CHD1L: variants seen among roughly 807,000 people sequenced by gnomAD.
The protein encoded by CHD1L is chromodomain helicase DNA binding protein 1 like, also known as ATP-dependent chromatin remodeler CHD1L.
In CHD1L, 118 loss-of-function variants were observed where a neutral mutation model predicts 115.9. That is an observed-to-expected ratio of 1.02 (90% CI 0.88 to 1.19). The LOEUF (loss-of-function observed/expected upper bound fraction) is 1.19, where lower values mean the gene tolerates loss of function less well. Among genes scored for constraint, CHD1L ranks in the 50% most tolerant of loss-of-function variants. The pLI is 0.00. For missense variants in CHD1L, 1,179 were observed against 1,065.3 expected, an observed-to-expected ratio of 1.11 and a Z score of -1.49; for synonymous variants, 411 against 387.1, an observed-to-expected ratio of 1.06 and a Z score of -0.72.
rs781952647 is a variant in CHD1L at position 147,293,652 on chromosome 1, G to T, written c.2436G>T (p.Leu812=). 5.0e-6 allele frequency: 8 copies of T among 1,614,028 alleles called. No individual in the cohort carries two copies. In the South Asian group the frequency reaches 5.5e-5, roughly 11 times the overall value. The change falls in exon 21 of 23, where the codon CTG becomes CTT. Residue 812 remains leucine (L), a synonymous_variant. Coordinates refer to ENST00000369258, the MANE Select transcript of CHD1L (RefSeq NM_004284.6). ...VAQHRDRSNV[L]SGIKMAALEE... Reference sequence around the variant, plus strand: ...AGCATCGTGATCGTTCCAATGTCCTGTCTGGCATTAAGATGGCAGCCCTAG... The same window carrying T: ...AGCATCGTGATCGTTCCAATGTCCTTTCTGGCATTAAGATGGCAGCCCTAG...
chr1:147,211,755 A>G, the CHD1L span, among the ~76,000 whole-genome samples: 2 of 152,232 alleles, frequency 1.3e-5, no homozygotes, highest in African/African-American at 4.8e-5. Flanking sequence ...AAACCAAAAC[A>G]AACAAAACAA....
At chr1:147,196,637 G>A in the CHD1L span, among the ~76,000 whole-genome samples, 2 of 151,882 alleles carry the variant, frequency 1.3e-5, no homozygotes, top group East Asian at 1.9e-4. Flanking sequence ...ATCTTTTTAC[G>A]TGTATACTCT....
At chr1:147,289,157 G>C (rs1449080239) in intron 19 of CHD1L, among the ~76,000 whole-genome samples, 4 of 152,124 alleles carry the variant, frequency 2.6e-5, no homozygotes, top group Non-Finnish European at 2.9e-5. Context: ...TTGGGCAGTT[G>C]GCAAAGCAAA....
At chr1:147,271,452 A>G (rs1055068395) in intron 11 of CHD1L, among the ~76,000 whole-genome samples, 5 of 152,206 alleles carry the variant, frequency 3.3e-5, no homozygotes, top group African/African-American at 1.2e-4. Flanking sequence ...ATAGACAATA[A>G]AGAATGTAGG....
chr1:147,235,237 T>C, the CHD1L span, among the ~76,000 whole-genome samples: 2 of 152,144 alleles, frequency 1.3e-5, no homozygotes, highest in Admixed American at 6.5e-5. Context: ...GGAACCTCAA[T>C]AATGAGGGAT....
chr1:147,280,215 C>T, intron 15 of CHD1L, 24 bp downstream of exon 15: 2 of 1,538,330 alleles, frequency 1.3e-6, no homozygotes, highest in Non-Finnish European at 1.7e-6. Context: ...TAGAGCAGAG[C>T]AAATGGCACA....
At chr1:147,271,082 T>C (rs1169400722) in intron 11 of CHD1L, 77 bp downstream of exon 11, 4 of 1,202,968 alleles carry the variant, frequency 3.3e-6, no homozygotes, top group Admixed American at 1.8e-5. Flanking sequence ...AAGAATAATA[T>C]GGGATATGAG....
intron 6 of CHD1L, among the ~76,000 whole-genome samples, chr1:147,261,450 G>A (rs1671915908): frequency 6.6e-6 from 1 of 150,656 alleles, no homozygotes. Flanking sequence ...CGAGGGAAAA[G>A]TTCTTATGAA....
rs1371179264 is a variant in CHD1L at position 147,276,054 on chromosome 1, C to T, written c.1386-50C>T. On this transcript the variant is annotated intron_variant, in intron 13 of 22. Coordinates refer to ENST00000369258, the MANE Select transcript of CHD1L (RefSeq NM_004284.6). ...TGTATTTACCTTGCATACTTTTGCC[C>T]AGCTTTGCACACCCTTATAGCACAC... is the stretch of plus-strand genomic sequence containing the variant. 5 of 1,577,214 alleles carry T rather than the reference C, an allele frequency of 3.2e-6. No individual in the cohort carries two copies. In the African/African-American group the frequency reaches 5.4e-5, roughly 17 times the overall value.
chr1:147,217,866 T>C, the CHD1L span, among the ~76,000 whole-genome samples: 779 of 152,294 alleles, frequency 5.1e-3, 6 homozygotes, highest in African/African-American at 0.017. Context: ...GTATTCCTTA[T>C]CTCTCCAACT....
chr1:147,232,013 C>G, the CHD1L span, among the ~76,000 whole-genome samples: 1 of 152,200 alleles, frequency 6.6e-6, no homozygotes, highest in Non-Finnish European at 1.5e-5. Flanking sequence ...CACCTGTCTT[C>G]TGCTTCGCTC....
the CHD1L span, among the ~76,000 whole-genome samples, chr1:147,183,082 C>T: frequency 0.037 from 5,607 of 152,204 alleles, 149 homozygotes; most frequent in South Asian, 0.095. Flanking sequence ...CCTGTAGTCC[C>T]AGCTACATGG....
chr1:147,213,431 T>C, the CHD1L span: 2 of 1,612,648 alleles, frequency 1.2e-6, no homozygotes, highest in Non-Finnish European at 1.7e-6. Flanking sequence ...TGGCCTGAAG[T>C]GGCAAAATCA....
intron 2 of CHD1L, 124 bp downstream of exon 2, chr1:147,252,859 C>A: frequency 1.3e-6 from 1 of 752,006 alleles, no homozygotes; most frequent in Non-Finnish European, 2.2e-6. Context: ...GGGATCCAGG[C>A]TAACTGGCTC....
the CHD1L span, among the ~76,000 whole-genome samples, chr1:147,177,532 A>G: frequency 6.6e-6 from 1 of 152,210 alleles, no homozygotes; most frequent in Non-Finnish European, 1.5e-5. Context: ...AAGGAGGAAG[A>G]ACACTACCTC....
upstream of CHD1L, chr1:147,242,681 G>C: frequency 7.9e-7 from 1 of 1,264,986 alleles, no homozygotes; most frequent in Non-Finnish European, 1.0e-6. Context: ...TTGGCCGCGC[G>C]GGGCGGGGCC....
the CHD1L span, among the ~76,000 whole-genome samples, chr1:147,233,857 G>T: frequency 1.3e-5 from 2 of 151,644 alleles, no homozygotes; most frequent in Non-Finnish European, 2.9e-5. Flanking sequence ...GGTTAAGGGC[G>T]GTGCAAGATG....
chr1:147,217,722 A>G, the CHD1L span, among the ~76,000 whole-genome samples: 7 of 152,232 alleles, frequency 4.6e-5, no homozygotes, highest in Non-Finnish European at 8.8e-5. Flanking sequence ...TGTTTCAACC[A>G]AAGTGTTCTC....
intron 18 of CHD1L, among the ~76,000 whole-genome samples, chr1:147,287,131 T>C (rs587767758): frequency 2.0e-5 from 3 of 152,360 alleles, no homozygotes; most frequent in Admixed American, 6.5e-5. Flanking sequence ...GCTGTGACTG[T>C]GGTGCCTAGA....
Sources: gnomAD v4.1 joint callset for allele counts (sites outside exome capture counted in the v4.1 genomes callset) on GRCh38, gnomAD v4.1.1 for gene constraint, MANE v1.5 for transcripts, NCBI Gene and HGNC (gene_info 2026-07-23, HGNC 2026-07-21) for gene names.